Variants in SLC10A7 observed in about 807,000 individuals in gnomAD.
SLC10A7 encodes sodium/bile acid cotransporter 7.
SLC10A7 carries 29 observed loss-of-function variants against 43.2 expected under a neutral mutation model. That is an observed-to-expected ratio of 0.67 (90% confidence interval 0.50 to 0.92). SLC10A7 has a LOEUF of 0.92. Ranked by LOEUF, SLC10A7 falls within the 40% of genes least tolerant of loss-of-function variation. The pLI is 0.00. For missense variants in SLC10A7, 295 were observed against 403.2 expected, an observed-to-expected ratio of 0.73 and a Z score of 2.30; for synonymous variants, 152 against 144.8, an observed-to-expected ratio of 1.05 and a Z score of -0.35.
intron 4 of SLC10A7, among the ~76,000 whole-genome samples, chr4:146,497,450 G>C (rs1181882741): frequency 6.6e-6 from 1 of 152,102 alleles, no homozygotes; most frequent in Non-Finnish European, 1.5e-5. Flanking sequence ...TTTGAAGGCA[G>C]ACACTCCTTA....
intron 4 of SLC10A7, among the ~76,000 whole-genome samples, chr4:146,460,045 T>C (rs1372375820): frequency 6.6e-6 from 1 of 151,854 alleles, no homozygotes; most frequent in East Asian, 1.9e-4. Flanking sequence ...GACACTTCAC[T>C]GAAGAAGAGA....
chr4:146,437,301 G>T (rs1018916109), intron 5 of SLC10A7, among the ~76,000 whole-genome samples: 38 of 151,980 alleles, frequency 2.5e-4, no homozygotes, highest in African/African-American at 9.2e-4. Flanking sequence ...ACGATGATGG[G>T]TTGCATTGTG....
At chr4:146,291,940 G>A (rs1468600908) in intron 9 of SLC10A7, among the ~76,000 whole-genome samples, 3 of 152,196 alleles carry the variant, frequency 2.0e-5, no homozygotes, top group Non-Finnish European at 4.4e-5. Flanking sequence ...AGTAATATTT[G>A]TAACGTATAA....
chr4:146,505,421 C>T (rs182741163), intron 3 of SLC10A7, among the ~76,000 whole-genome samples: 2 of 152,090 alleles, frequency 1.3e-5, no homozygotes, highest in East Asian at 1.9e-4. Context: ...TAGGTAAGGC[C>T]TCCAGTCAAT....
At chr4:146,293,199 T>C (rs1293441463) in intron 8 of SLC10A7, among the ~76,000 whole-genome samples, 1 of 152,214 alleles carries the variant, frequency 6.6e-6, no homozygotes, top group East Asian at 1.9e-4. Context: ...TCTTTGTTAT[T>C]GAGGGAAAAC....
At chr4:146,415,757 G>A (rs1253534000) in intron 5 of SLC10A7, among the ~76,000 whole-genome samples, 2 of 152,126 alleles carry the variant, frequency 1.3e-5, no homozygotes, top group East Asian at 1.9e-4. Context: ...AATCAGTAAA[G>A]TATACTTTGA....
chr4:146,282,831 G>T (rs1243921953), intron 10 of SLC10A7, among the ~76,000 whole-genome samples: 2 of 151,984 alleles, frequency 1.3e-5, no homozygotes, highest in African/African-American at 4.8e-5. Context: ...TCTTTTCCAG[G>T]GACAACTCTA....
At chr4:146,402,210 A>G (rs1739271672) in intron 5 of SLC10A7, among the ~76,000 whole-genome samples, 1 of 152,220 alleles carries the variant, frequency 6.6e-6, no homozygotes, top group South Asian at 2.1e-4. Context: ...AATATCTGTT[A>G]TATCTATTTT....
intron 7 of SLC10A7, among the ~76,000 whole-genome samples, chr4:146,303,126 G>C (rs1046172568): frequency 3.9e-5 from 6 of 152,152 alleles, no homozygotes. Flanking sequence ...ATAAAGACCA[G>C]GTGCTCTTGC....
chr4:146,306,526 A>G (rs956829824), intron 6 of SLC10A7, among the ~76,000 whole-genome samples: 24 of 152,178 alleles, frequency 1.6e-4, no homozygotes, highest in African/African-American at 4.8e-5. Flanking sequence ...ATCCTGAAAT[A>G]TAACTTATTT....
At position 146,254,951 on chromosome 4, in the gene SLC10A7, T is replaced by G. The variant is rs1044098032; in HGVS notation, c.*1540A>C. On this transcript the variant is annotated 3_prime_UTR_variant, in exon 12 of 12. Transcript: ENST00000335472. ...TGAGAATAACTCTTATGAAATTTAT[T>G]CAATGACATTGACAAAAGATGAGAC... is the stretch of plus-strand genomic sequence containing the variant. The G allele has an allele frequency of 6.6e-6, 1 of 152,224 alleles. No individual in the cohort carries two copies. The highest frequency in any genetic ancestry group is 2.4e-5 in the African/African-American group (1 of 41,462). The allele number at this position is 152,224 out of a possible 1,614,324, so 9.4% of individuals were successfully genotyped here.
At chr4:146,508,888 C>A (rs1737176440) in intron 3 of SLC10A7, among the ~76,000 whole-genome samples, 1 of 152,188 alleles carries the variant, frequency 6.6e-6, no homozygotes. Flanking sequence ...GCCTATAAGG[C>A]TCTACATACC....
intron 5 of SLC10A7, among the ~76,000 whole-genome samples, chr4:146,414,919 C>T (rs1453219532): frequency 2.6e-5 from 4 of 152,034 alleles, no homozygotes; most frequent in Non-Finnish European, 5.9e-5. Context: ...ATTCTCACTC[C>T]TAATGAAAAT....
intron 5 of SLC10A7, among the ~76,000 whole-genome samples, chr4:146,331,753 T>A (rs1231644167): frequency 6.6e-6 from 1 of 152,224 alleles, no homozygotes; most frequent in African/African-American, 2.4e-5. Context: ...ACCTCCAGGC[T>A]ATCTTCATCT....
At chr4:146,393,422 G>A (rs1317094845) in intron 5 of SLC10A7, among the ~76,000 whole-genome samples, 2 of 152,044 alleles carry the variant, frequency 1.3e-5, no homozygotes, top group African/African-American at 4.8e-5. Context: ...ATTCACTGAG[G>A]TAGTCCTTCT....
chr4:146,340,097 TTAA>T (rs1734157245), intron 5 of SLC10A7, among the ~76,000 whole-genome samples: 1 of 151,928 alleles, frequency 6.6e-6, no homozygotes, highest in South Asian at 2.1e-4. Context: ...AGGTTTCTCC[TTAA>T]TAATATGTTT....
Position 146,493,974 on chromosome 4 carries a change from C to T in SLC10A7, c.396+9875G>A, listed in dbSNP as rs114429542. Among the ~76,000 whole-genome samples, 556 of 152,156 alleles carry T rather than the reference C, an allele frequency of 3.7e-3. 2 individuals are homozygous for T. Among genetic ancestry groups the T allele is most frequent in the African/African-American group, 0.012 (503 of 41,514 alleles). The stretch of plus-strand genomic sequence containing the variant: ...CGACATACGTTTTTGAATAAATGAA[C>T]GAAGTGAATGAATGAGCGAATTTAG... On this transcript the variant is annotated intron_variant, in intron 4 of 11. Coordinates refer to ENST00000335472, the MANE Select transcript of SLC10A7 (RefSeq NM_001029998.6).
intron 10 of SLC10A7, among the ~76,000 whole-genome samples, chr4:146,271,255 T>C (rs1728874361): frequency 1.3e-5 from 2 of 152,180 alleles, no homozygotes; most frequent in Admixed American, 6.5e-5. Flanking sequence ...ATCCAAACTC[T>C]TGATCTGTTC....
At chr4:146,354,538 C>T (rs1159981981) in intron 5 of SLC10A7, among the ~76,000 whole-genome samples, 2 of 148,358 alleles carry the variant, frequency 1.3e-5, no homozygotes, top group Admixed American at 1.3e-4. Flanking sequence ...GAAAAAACTA[C>T]TTTAAAGTTC....
Sources: gnomAD v4.1 joint callset for allele counts (sites outside exome capture counted in the v4.1 genomes callset) on GRCh38, gnomAD v4.1.1 for gene constraint, MANE v1.5 for transcripts, NCBI Gene and HGNC (gene_info 2026-07-23, HGNC 2026-07-21) for gene names.